The following SMOC1 variants were observed in gnomAD, a reference collection of about 807,000 sequenced individuals.
The protein encoded by SMOC1 is SPARC-related modular calcium-binding protein 1.
SMOC1 carries 22 observed loss-of-function variants against 56.3 expected under a neutral mutation model. The ratio of observed to expected loss-of-function variants is 0.39; its 90% CI spans 0.28 to 0.56. The LOEUF (loss-of-function observed/expected upper bound fraction) is 0.56, where lower values mean the gene tolerates loss of function less well. Ranked by LOEUF, SMOC1 falls within the 20% of genes least tolerant of loss-of-function variation. The probability of loss-of-function intolerance (pLI) is 0.61; values close to 1 mark genes in which losing one functional copy is unlikely to be tolerated. For missense variants in SMOC1, 509 were observed against 565.4 expected, an observed-to-expected ratio of 0.90 and a Z score of 1.01; for synonymous variants, 193 against 215.0, an observed-to-expected ratio of 0.90 and a Z score of 0.89.
chr14:69,921,525 G>A (rs1397716537), intron 1 of SMOC1, among the ~76,000 whole-genome samples: 2 of 152,194 alleles, frequency 1.3e-5, no homozygotes, highest in Admixed American at 1.3e-4. Flanking sequence ...TGTGTCACAT[G>A]CTGAGTCCTG....
intron 1 of SMOC1, among the ~76,000 whole-genome samples, chr14:69,904,881 C>T (rs1219257397): frequency 1.3e-5 from 2 of 152,230 alleles, no homozygotes; most frequent in African/African-American, 4.8e-5. Flanking sequence ...GATCCTTCAA[C>T]ATTGTTCCTC....
chr14:69,884,131 C>T (rs889077282), intron 1 of SMOC1, among the ~76,000 whole-genome samples: 2 of 151,846 alleles, frequency 1.3e-5, no homozygotes, highest in African/African-American at 4.8e-5. Flanking sequence ...TGGTCTCGAT[C>T]TCCCGACCTC....
In SMOC1 at chr14:70,023,242, G is replaced by T. The variant is rs768854083; in HGVS notation, c.1086G>T (p.Arg362=). Residue 362 remains arginine (R), a synonymous_variant, in exon 11 of 12, where the codon CGG becomes CGT. Transcript: ENST00000361956. ...ACCCCAGCCACACCCTGGAGGAGCG[G>T]GTAGTGCACTGGTATTTCAGCCAGC... ...EPDPSHTLEE[R]VVHWYFSQLD... 6.2e-7 allele frequency: 1 copy of T among 1,614,128 alleles called. No homozygotes were observed. The highest frequency in any genetic ancestry group is 8.5e-7 in the Non-Finnish European group (1 of 1,180,026).
rs536188769 is a variant in SMOC1, at chr14:69,885,618, G to A, written c.99+5841G>A. Reference sequence around the variant, plus strand: ...ATGCAGTAAGGGACCCCCATTTTACGACATAGGGCAGGCAAGAAGACAACC... The same window carrying A: ...ATGCAGTAAGGGACCCCCATTTTACAACATAGGGCAGGCAAGAAGACAACC... On this transcript the variant is annotated intron_variant, in intron 1 of 11. Coordinates refer to ENST00000361956, the MANE Select transcript of SMOC1 (RefSeq NM_001034852.3). 88 of 1,496,936 alleles carry A rather than the reference G, an allele frequency of 5.9e-5. No homozygotes were observed. In the East Asian group the frequency reaches 1.2e-3, roughly 20 times the overall value. The allele number at this position is 1,496,936 out of a possible 1,614,324, so 92.7% of individuals were successfully genotyped here. A position where few individuals can be genotyped will look rare whatever the true frequency, so the allele number is the denominator to read the frequency against.
At chr14:69,903,978 C>CT (rs1884339783) in intron 1 of SMOC1, among the ~76,000 whole-genome samples, 1 of 152,126 alleles carries the variant, frequency 6.6e-6, no homozygotes, top group East Asian at 1.9e-4. Flanking sequence ...CCGAAGTCCC[C>CT]TAGCTGCCCC....
chr14:69,914,505 G>A (rs1000844278), intron 1 of SMOC1, among the ~76,000 whole-genome samples: 5 of 152,130 alleles, frequency 3.3e-5, no homozygotes, highest in African/African-American at 4.8e-5. Context: ...TACTTGCCTC[G>A]TCTATTTAGT....
intron 3 of SMOC1, among the ~76,000 whole-genome samples, chr14:69,973,239 G>A (rs901862058): frequency 6.6e-6 from 1 of 152,176 alleles, no homozygotes; most frequent in African/African-American, 2.4e-5. Context: ...CCTGGAAAAG[G>A]CCAGCTTGCC....
intron 3 of SMOC1, among the ~76,000 whole-genome samples, chr14:69,973,777 A>C (rs985392086): frequency 2.0e-5 from 3 of 152,214 alleles, no homozygotes; most frequent in Admixed American, 6.5e-5. Context: ...ACACGAGAGC[A>C]GAAGCCTTTC....
chr14:69,952,017 T>G, intron 1 of SMOC1, 121 bp from the exon 2 acceptor site: 27 of 1,150,328 alleles, frequency 2.3e-5, no homozygotes. Context: ...ACCTTTAGGG[T>G]TTTATTTGGG....
At chr14:69,880,464 A>G (rs189232159) in intron 1 of SMOC1, among the ~76,000 whole-genome samples, 4 of 152,172 alleles carry the variant, frequency 2.6e-5, no homozygotes, top group East Asian at 1.9e-4. Context: ...GGAGTTTCTG[A>G]ACGACATGAA....
chr14:69,883,117 G>T (rs979677192), intron 1 of SMOC1, among the ~76,000 whole-genome samples: 4 of 152,122 alleles, frequency 2.6e-5, no homozygotes, highest in Non-Finnish European at 5.9e-5. Flanking sequence ...GCATTACCTC[G>T]CATAATTATT....
intron 1 of SMOC1, among the ~76,000 whole-genome samples, chr14:69,939,901 A>G (rs1164094929): frequency 2.0e-5 from 3 of 152,130 alleles, no homozygotes; most frequent in African/African-American, 7.2e-5. Context: ...GAGTGGGACT[A>G]TCTCCCACTG....
chr14:69,973,350 C>T (rs1291351391), intron 3 of SMOC1, among the ~76,000 whole-genome samples: 1 of 152,224 alleles, frequency 6.6e-6, no homozygotes, highest in African/African-American at 2.4e-5. Context: ...TCAGGTTTCA[C>T]GTTGTTATCC....
intron 3 of SMOC1, among the ~76,000 whole-genome samples, chr14:69,955,043 G>T (rs1006140294): frequency 1.3e-5 from 2 of 152,168 alleles, no homozygotes; most frequent in East Asian, 3.8e-4. Context: ...GTTTGTTGCC[G>T]ACCCTGGGAG....
chr14:69,935,308 C>T (rs1885267968), intron 1 of SMOC1, among the ~76,000 whole-genome samples: 1 of 152,270 alleles, frequency 6.6e-6, no homozygotes, highest in South Asian at 2.1e-4. Flanking sequence ...GGGAGATATA[C>T]CTTATCGAGG....
rs141660961 is a variant in SMOC1 at position 69,965,762 on chromosome 14, G to C, written c.379-9953G>C. Among the ~76,000 whole-genome samples the C allele has an allele frequency of 1.6e-3, 245 of 152,248 alleles. 1 individual carries two copies. The highest frequency in any genetic ancestry group is 2.8e-3 in the Non-Finnish European group (189 of 68,016). On this transcript the variant is annotated intron_variant, in intron 3 of 11. Transcript: ENST00000361956. Reference sequence around the variant, plus strand: ...CTTTTTAGGATTTTATGAAACAAGAGCTAATGTCCAATCAGGTGGCTAGGC... The same window carrying C: ...CTTTTTAGGATTTTATGAAACAAGACCTAATGTCCAATCAGGTGGCTAGGC...
intron 11 of SMOC1, 93 bp downstream of exon 11, chr14:70,023,540 C>G: frequency 6.5e-7 from 1 of 1,540,600 alleles, no homozygotes. Context: ...ATTCCAGATA[C>G]TCATCTATTC....
chr14:69,884,582 T>G (rs1172169144), intron 1 of SMOC1, among the ~76,000 whole-genome samples: 1 of 152,202 alleles, frequency 6.6e-6, no homozygotes, highest in Non-Finnish European at 1.5e-5. Context: ...TACATTTAAG[T>G]CTTTAATTCA....
rs370939177 is a variant in SMOC1 at position 69,886,623 on chromosome 14, G to A, written c.99+6846G>A. Among the ~76,000 whole-genome samples the A allele has an allele frequency of 4.6e-5, 7 of 152,244 alleles. No individual in the cohort carries two copies. The East Asian group carries it at 9.7e-4, about 21-fold the overall frequency. The stretch of plus-strand genomic sequence containing the variant: ...TATAGCTCCTCCCCAGTCCTTTTTT[G>A]TATCTTGCATTTGCCAAGAGTGAAA... On this transcript the variant is annotated intron_variant, in intron 1 of 11. Coordinates refer to ENST00000361956, the MANE Select transcript of SMOC1 (RefSeq NM_001034852.3).
Sources: gnomAD v4.1 joint callset for allele counts (sites outside exome capture counted in the v4.1 genomes callset) on GRCh38, gnomAD v4.1.1 for gene constraint, MANE v1.5 for transcripts, NCBI Gene and HGNC (gene_info 2026-07-23, HGNC 2026-07-21) for gene names.